DDAH1: variants seen among roughly 807,000 people sequenced by gnomAD.
The protein encoded by DDAH1 is N(G),N(G)-dimethylarginine dimethylaminohydrolase 1.
Under a neutral mutation model 28.8 loss-of-function variants are expected in DDAH1, and 19 were observed. That is an observed-to-expected ratio of 0.66 (90% confidence interval 0.46 to 0.97). DDAH1 has a LOEUF of 0.97. Ranked by LOEUF, DDAH1 falls within the 50% of genes least tolerant of loss-of-function variation. The pLI, the probability that DDAH1 is intolerant of heterozygous loss-of-function variation, is 0.00. For missense variants in DDAH1, 326 were observed against 375.9 expected (o/e 0.87, Z 1.10); for synonymous variants, 153 against 154.4 (o/e 0.99, Z 0.07).
At chr1:85,459,483 A>C (rs1655037753) in intron 1 of DDAH1, among the ~76,000 whole-genome samples, 1 of 152,200 alleles carries the variant, frequency 6.6e-6, no homozygotes, top group South Asian at 2.1e-4. Context: ...GTTACTGCCA[A>C]GGCCATGTAG....
chr1:85,358,382 G>C (rs1246694321), intron 2 of DDAH1, among the ~76,000 whole-genome samples: 2 of 152,164 alleles, frequency 1.3e-5, no homozygotes, highest in African/African-American at 2.4e-5. Context: ...GGGCATGGTG[G>C]CTTATGATAG....
chr1:85,454,002 T>C (rs1430580504), intron 1 of DDAH1, among the ~76,000 whole-genome samples: 1 of 152,170 alleles, frequency 6.6e-6, no homozygotes, highest in Non-Finnish European at 1.5e-5. Context: ...ATCCTGATGT[T>C]GGATCCTGAT....
chr1:85,495,414 T>G (rs1024514195), intron 2 of DDAH1: 1 of 152,132 alleles, frequency 6.6e-6, no homozygotes, highest in Admixed American at 6.5e-5. Context: ...AAGTCAACAA[T>G]TAGTGCAGAG....
At chr1:85,414,645 G>C (rs752645302) in intron 1 of DDAH1, among the ~76,000 whole-genome samples, 1 of 152,134 alleles carries the variant, frequency 6.6e-6, no homozygotes, top group South Asian at 2.1e-4. Flanking sequence ...CTAAGAAATG[G>C]AGGAGAGAGA....
chr1:85,324,917 T>C, intron 4 of DDAH1, 34 bp from the exon 5 acceptor site: 8 of 1,608,738 alleles, frequency 5.0e-6, no homozygotes, highest in Non-Finnish European at 6.8e-6. Flanking sequence ...CTAAGAAGAG[T>C]AACTCCCCAC....
intron 1 of DDAH1, among the ~76,000 whole-genome samples, chr1:85,426,820 G>A (rs907117901): frequency 1.4e-5 from 2 of 147,218 alleles, no homozygotes; most frequent in African/African-American, 5.0e-5. Flanking sequence ...GCTGAGGCAG[G>A]AGCATTGCTT....
At chr1:85,542,961 G>A (rs1211953471) in intron 1 of DDAH1, among the ~76,000 whole-genome samples, 1 of 152,130 alleles carries the variant, frequency 6.6e-6, no homozygotes, top group African/African-American at 2.4e-5. Context: ...AGGAGACTGA[G>A]GTTCAGTAAG....
intron 1 of DDAH1, among the ~76,000 whole-genome samples, chr1:85,452,995 G>A (rs1403494619): frequency 6.6e-6 from 1 of 152,204 alleles, no homozygotes; most frequent in Non-Finnish European, 1.5e-5. Context: ...GTATGTGTGT[G>A]TGTGTATGTT....
chr1:85,484,590 C>A (rs1021793326), intron 2 of DDAH1, among the ~76,000 whole-genome samples: 12 of 152,160 alleles, frequency 7.9e-5, no homozygotes, highest in African/African-American at 2.7e-4. Context: ...CATGTGGATA[C>A]AAGATCTACA....
At chr1:85,461,898 G>C (rs1655139624) in intron 1 of DDAH1, among the ~76,000 whole-genome samples, 1 of 152,192 alleles carries the variant, frequency 6.6e-6, no homozygotes, top group East Asian at 1.9e-4. Flanking sequence ...AGTGGGACTA[G>C]AGCTTTGGAG....
chr1:85,396,036 A>G (rs1362720497), intron 1 of DDAH1, among the ~76,000 whole-genome samples: 1 of 152,138 alleles, frequency 6.6e-6, no homozygotes, highest in East Asian at 1.9e-4. Flanking sequence ...CCTCTTTATT[A>G]TAAGAGTTAA....
intron 1 of DDAH1, among the ~76,000 whole-genome samples, chr1:85,564,965 G>C (rs1659251880): frequency 6.6e-6 from 1 of 151,890 alleles, no homozygotes; most frequent in Admixed American, 6.6e-5. Flanking sequence ...GGGAGGCCAA[G>C]GCAGGCGGAT....
At chr1:85,356,141 T>C (rs1042011944) in intron 2 of DDAH1, among the ~76,000 whole-genome samples, 28 of 152,240 alleles carry the variant, frequency 1.8e-4, no homozygotes, top group African/African-American at 5.8e-4. Flanking sequence ...CAGGTGTTCA[T>C]TTTATTATTG....
chr1:85,558,182 T>A (rs941999341), intron 1 of DDAH1, among the ~76,000 whole-genome samples: 1 of 152,052 alleles, frequency 6.6e-6, no homozygotes, highest in Non-Finnish European at 1.5e-5. Flanking sequence ...GCCAACATGA[T>A]GAAACCTCGT....
At chr1:85,325,832 T>C (rs1194708625) in intron 4 of DDAH1, among the ~76,000 whole-genome samples, 1 of 152,116 alleles carries the variant, frequency 6.6e-6, no homozygotes, top group Non-Finnish European at 1.5e-5. Context: ...AAAACAAATA[T>C]TATTTGGGGT....
chr1:85,369,589 A>G (rs1224267195), intron 1 of DDAH1, among the ~76,000 whole-genome samples: 1 of 152,154 alleles, frequency 6.6e-6, no homozygotes, highest in Non-Finnish European at 1.5e-5. Context: ...CATCTCCAGT[A>G]ATTCTGTTCA....
chr1:85,353,431 G>A (rs1162710595), intron 2 of DDAH1, among the ~76,000 whole-genome samples: 1 of 151,898 alleles, frequency 6.6e-6, no homozygotes, highest in African/African-American at 2.4e-5. Flanking sequence ...CTTATTAAAC[G>A]GGCAAATGAC....
chr1:85,324,609 G>T, intron 5 of DDAH1, 131 bp downstream of exon 5: 2 of 1,055,248 alleles, frequency 1.9e-6, no homozygotes, highest in Admixed American at 2.3e-5. Flanking sequence ...GCCCTAAATT[G>T]TATTATCCTT....
At chr1:85,447,465 G>A (rs1654486180) in intron 1 of DDAH1, among the ~76,000 whole-genome samples, 1 of 152,214 alleles carries the variant, frequency 6.6e-6, no homozygotes, top group African/African-American at 2.4e-5. Context: ...CAAGTGGACA[G>A]TGAGAAGAGA....
Sources: allele counts gnomAD v4.1 joint callset (sites outside exome capture counted in the v4.1 genomes callset), GRCh38; gene constraint gnomAD v4.1.1; transcripts MANE v1.5; gene names NCBI Gene and HGNC (gene_info 2026-07-23, HGNC 2026-07-21).